The following MAPK10 variants were observed in gnomAD, a reference collection of about 807,000 sequenced individuals.
The protein encoded by MAPK10 is mitogen-activated protein kinase 10.
Under a neutral mutation model 59.3 loss-of-function variants are expected in MAPK10, and 25 were observed. That is an observed-to-expected ratio of 0.42 (90% CI 0.31 to 0.59). MAPK10 has a LOEUF of 0.59. MAPK10 is among the 20% of genes least tolerant of loss of function. The pLI is 0.15. For synonymous variants in MAPK10, 190 were observed against 200.5 expected (o/e 0.95, Z 0.44); for missense variants, 351 against 568.9 (o/e 0.62, Z 3.90).
intron 1 of MAPK10, among the ~76,000 whole-genome samples, chr4:86,357,370 C>A (rs1335958550): frequency 6.6e-6 from 1 of 152,146 alleles, no homozygotes; most frequent in Non-Finnish European, 1.5e-5. Context: ...GAAACAGATT[C>A]ATTTACATGA....
chr4:86,234,502 T>C lies in MAPK10; in HGVS notation c.-6-40095A>G, dbSNP rs148874882. ...TTTCTTACTATCATATCTCAGGTAC[T>C]TTTATCTAATCTGTGAATATCTAGG... On this transcript the variant is annotated intron_variant, in intron 2 of 13. Coordinates refer to ENST00000641462, the MANE Select transcript of MAPK10 (RefSeq NM_138982.4). Among the ~76,000 whole-genome samples the C allele has an allele frequency of 8.7e-3, 1,327 of 152,208 alleles. 8 individuals are homozygous for C. The highest frequency in any genetic ancestry group is 0.032 in the Middle Eastern group (9 of 280).
intron 1 of MAPK10, among the ~76,000 whole-genome samples, chr4:86,538,454 C>T (rs941342156): frequency 6.6e-6 from 1 of 152,204 alleles, no homozygotes; most frequent in Admixed American, 6.5e-5. Context: ...CCCTGAGCCA[C>T]TGCGCCCGGT....
intron 1 of MAPK10, among the ~76,000 whole-genome samples, chr4:86,388,171 T>A (rs376419469): frequency 6.6e-6 from 1 of 151,756 alleles, no homozygotes; most frequent in East Asian, 1.9e-4. Context: ...TTCAAAAGGT[T>A]TAGGAAAAAA....
At chr4:86,404,774 TGA>T (rs1186035438) in intron 1 of MAPK10, among the ~76,000 whole-genome samples, 2 of 152,302 alleles carry the variant, frequency 1.3e-5, no homozygotes, top group East Asian at 1.9e-4. Context: ...CCCCAGATGT[TGA>T]GAGTCTTGGT....
intron 9 of MAPK10, chr4:86,080,083 G>C (rs2050321054): frequency 6.6e-6 from 1 of 151,738 alleles, no homozygotes; most frequent in South Asian, 2.1e-4. Flanking sequence ...GTACATAGTA[G>C]GTACTCAAAA....
chr4:86,542,223 C>A, intron 1 of MAPK10, among the ~76,000 whole-genome samples: 1 of 152,116 alleles, frequency 6.6e-6, no homozygotes, highest in African/African-American at 2.4e-5. Context: ...GCCTTTGTCT[C>A]TTGGCACCCT....
At chr4:86,200,283 A>G (rs1391980292) in intron 2 of MAPK10, among the ~76,000 whole-genome samples, 1 of 152,022 alleles carries the variant, frequency 6.6e-6, no homozygotes, top group African/African-American at 2.4e-5. Context: ...CACACATTTC[A>G]ATGAACAGAG....
chr4:86,362,026 AAG>A (rs1351598124), upstream of MAPK10, among the ~76,000 whole-genome samples: 4 of 152,260 alleles, frequency 2.6e-5, no homozygotes, highest in South Asian at 2.1e-4. Context: ...AAATAGCTAA[AAG>A]AGAGGATTTC....
chr4:86,354,924 T>G (rs1266127849), intron 1 of MAPK10, among the ~76,000 whole-genome samples: 2 of 152,136 alleles, frequency 1.3e-5, no homozygotes, highest in Non-Finnish European at 2.9e-5. Context: ...TGAATTTGGT[T>G]TTCTAATACA....
chr4:86,329,114 T>G (rs970833814), intron 2 of MAPK10, among the ~76,000 whole-genome samples: 3 of 152,180 alleles, frequency 2.0e-5, no homozygotes, highest in Non-Finnish European at 4.4e-5. Context: ...TCACCAGACC[T>G]CAAATGCTGG....
intron 2 of MAPK10, among the ~76,000 whole-genome samples, chr4:86,258,421 A>G (rs2093844223): frequency 6.6e-6 from 1 of 152,084 alleles, no homozygotes; most frequent in Non-Finnish European, 1.5e-5. Context: ...TGGGTTTTAA[A>G]CCCCTTCTAT....
chr4:86,246,767 A>T (rs185421035), intron 2 of MAPK10, among the ~76,000 whole-genome samples: 16 of 152,322 alleles, frequency 1.1e-4, no homozygotes, highest in Admixed American at 6.5e-4. Flanking sequence ...ACTGGAATGC[A>T]GGCAGTGGGA....
intron 11 of MAPK10, among the ~76,000 whole-genome samples, chr4:86,043,794 C>T (rs2042031041): frequency 6.6e-6 from 1 of 152,112 alleles, no homozygotes; most frequent in South Asian, 2.1e-4. Context: ...TCAACATCTT[C>T]ATCATTCTAC....
chr4:86,255,273 T>C (rs959289108), intron 2 of MAPK10, among the ~76,000 whole-genome samples: 3 of 152,114 alleles, frequency 2.0e-5, no homozygotes, highest in Non-Finnish European at 4.4e-5. Context: ...CTCTTTTTTA[T>C]TGTGCTCTAT....
At chr4:86,582,620 C>T (rs990025785) in intron 1 of MAPK10, among the ~76,000 whole-genome samples, 2 of 152,074 alleles carry the variant, frequency 1.3e-5, no homozygotes, top group Non-Finnish European at 2.9e-5. Context: ...TCTATGTCAT[C>T]TAAAAAAACC....
At chr4:86,230,860 C>T (rs1017841888) in intron 2 of MAPK10, among the ~76,000 whole-genome samples, 1 of 152,146 alleles carries the variant, frequency 6.6e-6, no homozygotes, top group Non-Finnish European at 1.5e-5. Context: ...TAAATACTTG[C>T]TCAGTCTGCT....
chr4:86,535,315 T>G (rs1758153452), intron 1 of MAPK10, among the ~76,000 whole-genome samples: 1 of 152,196 alleles, frequency 6.6e-6, no homozygotes, highest in African/African-American at 2.4e-5. Flanking sequence ...GTTTTAACAA[T>G]TCATTCAAAA....
rs367811719 is a variant in MAPK10, at chr4:86,050,330, T to C, written c.1110+13936A>G. 6.6e-5 allele frequency among the ~76,000 whole-genome samples: 10 copies of C among 152,312 alleles called. No homozygotes were observed. In the East Asian group the frequency reaches 1.2e-3, roughly 18 times the overall value. On this transcript the variant is annotated intron_variant, in intron 11 of 13. Transcript: ENST00000641462. ...AAATAACAGAAACTATGTCTTTTTATCATTAGAATTAGTCAATCTTCAATG... is the reference window on the plus strand; with the variant it reads ...AAATAACAGAAACTATGTCTTTTTACCATTAGAATTAGTCAATCTTCAATG...
At chr4:86,418,494 A>G (rs993627760) in intron 1 of MAPK10, among the ~76,000 whole-genome samples, 3 of 152,250 alleles carry the variant, frequency 2.0e-5, no homozygotes, top group Admixed American at 6.5e-5. Context: ...CATCAAGAAG[A>G]TCTAATAAAT....
Sources: allele counts gnomAD v4.1 joint callset (sites outside exome capture counted in the v4.1 genomes callset), GRCh38; gene constraint gnomAD v4.1.1; transcripts MANE v1.5; gene names NCBI Gene and HGNC (gene_info 2026-07-23, HGNC 2026-07-21).